The following SLC14A2 variants were observed in gnomAD, a reference collection of about 807,000 sequenced individuals.
SLC14A2 encodes urea transporter 2.
A neutral mutation model predicts 104.6 loss-of-function variants in SLC14A2; 91 were observed. That is an observed-to-expected ratio of 0.87 (90% CI 0.73 to 1.04). The LOEUF is 1.04. Ranked by LOEUF, SLC14A2 falls within the 50% of genes least tolerant of loss-of-function variation. The probability of loss-of-function intolerance (pLI) is 0.00; values close to 1 mark genes in which losing one functional copy is unlikely to be tolerated. For synonymous variants in SLC14A2, 476 were observed against 466.4 expected (o/e 1.02, Z -0.27); for missense variants, 1,189 against 1,156.0 (o/e 1.03, Z -0.41).
intron 1 of SLC14A2, among the ~76,000 whole-genome samples, chr18:45,409,042 G>T (rs2086186251): frequency 6.6e-6 from 1 of 152,128 alleles, no homozygotes; most frequent in African/African-American, 2.4e-5. Context: ...TTTAACTTCT[G>T]TGTGTCAAAC....
At chr18:45,223,051 A>T (rs1445309630) in intron 1 of SLC14A2, among the ~76,000 whole-genome samples, 2 of 152,230 alleles carry the variant, frequency 1.3e-5, no homozygotes, top group East Asian at 3.8e-4. Context: ...CATGGCCAAC[A>T]GAACTATATG....
intron 10 of SLC14A2, among the ~76,000 whole-genome samples, chr18:45,659,202 G>T (rs527724394): frequency 6.6e-6 from 1 of 152,248 alleles, no homozygotes; most frequent in Non-Finnish European, 1.5e-5. Context: ...AAGCAGCCAG[G>T]TGCTGTAGCA....
At chr18:45,588,040 C>CTT (rs1207411440) in intron 2 of SLC14A2, among the ~76,000 whole-genome samples, 1 of 152,096 alleles carries the variant, frequency 6.6e-6, no homozygotes, top group East Asian at 1.9e-4. Context: ...CGGATTGACC[C>CTT]TTTTTTTAAT....
At chr18:45,681,636 T>G (rs2046310359) in intron 19 of SLC14A2, among the ~76,000 whole-genome samples, 1 of 152,180 alleles carries the variant, frequency 6.6e-6, no homozygotes, top group South Asian at 2.1e-4. Flanking sequence ...TGATGACACA[T>G]CTTTGCCTCT....
intron 1 of SLC14A2, among the ~76,000 whole-genome samples, chr18:45,353,641 G>T (rs955158621): frequency 1.3e-5 from 2 of 152,128 alleles, no homozygotes; most frequent in African/African-American, 2.4e-5. Context: ...CCACCACATC[G>T]TTAAGCCTCA....
At chr18:45,450,034 A>G (rs1411504752) in intron 1 of SLC14A2, among the ~76,000 whole-genome samples, 1 of 152,194 alleles carries the variant, frequency 6.6e-6, no homozygotes, top group African/African-American at 2.4e-5. Flanking sequence ...CTATGGTCAG[A>G]CTGTCTGCTA....
At position 45,625,870 on chromosome 18, in the gene SLC14A2, A is replaced by G; in HGVS notation, c.331+7A>G. 1 of 1,452,018 alleles carries G rather than the reference A, an allele frequency of 6.9e-7. No homozygotes were observed. Among genetic ancestry groups the G allele is most frequent in the Non-Finnish European group, 9.1e-7 (1 of 1,102,982 alleles). The allele number at this position is 1,452,018 out of a possible 1,614,324, so 89.9% of individuals were successfully genotyped here. On this transcript the variant is annotated splice_region_variant and intron_variant, in intron 3 of 19. Transcript: ENST00000255226. ...TACAGGATCTGGCTGAAAGGTAGGA[A>G]AATACCCTGGGGAGAGGCAGCCAGA...
rs59843067 is a variant in SLC14A2 at position 45,648,195 on chromosome 18, CTTTTTTTTTTTTT to C, written c.1351+4051_1351+4063del. Among the ~76,000 whole-genome samples, 152 of 101,226 alleles carry C rather than the reference CTTTTTTTTTTTTT, an allele frequency of 1.5e-3. 1 individual carries two copies. Among genetic ancestry groups the C allele is most frequent in the Middle Eastern group, 7.4e-3 (1 of 136 alleles). The allele number at this position is 101,226 out of a possible 152,430, so 66.4% of individuals were successfully genotyped here. A position where few individuals can be genotyped will look rare whatever the true frequency, so the allele number is the denominator to read the frequency against. On this transcript the variant is annotated intron_variant, in intron 10 of 19. Transcript: ENST00000255226. ...GTTACCCTCTTTATTCTAGTTAATGCTTTTTTTTTTTTTTTTTTTTTTTTTTTTGAGATGGAGT... is the reference window on the plus strand; with the variant it reads ...GTTACCCTCTTTATTCTAGTTAATGCTTTTTTTTTTTTTTTGAGATGGAGT...
intron 1 of SLC14A2, among the ~76,000 whole-genome samples, chr18:45,456,368 C>A (rs2086944004): frequency 6.6e-6 from 1 of 152,222 alleles, no homozygotes; most frequent in Admixed American, 6.5e-5. Flanking sequence ...CCAGGGGATG[C>A]TGTTTGTCCT....
At chr18:45,375,732 C>T (rs1368258718) in intron 1 of SLC14A2, among the ~76,000 whole-genome samples, 1 of 152,204 alleles carries the variant, frequency 6.6e-6, no homozygotes, top group Non-Finnish European at 1.5e-5. Flanking sequence ...TACTACTGAA[C>T]CACCAGCATT....
intron 1 of SLC14A2, among the ~76,000 whole-genome samples, chr18:45,257,478 G>A (rs2144090595): frequency 6.6e-6 from 1 of 152,240 alleles, no homozygotes; most frequent in South Asian, 2.1e-4. Flanking sequence ...AAAATGGCAG[G>A]TCAGCTATTG....
rs189525804 is a variant in SLC14A2 at position 45,495,123 on chromosome 18, T to C, written c.-35+11801T>C. Among the ~76,000 whole-genome samples the C allele has an allele frequency of 4.5e-4, 69 of 152,164 alleles. 1 individual carries two copies. Among genetic ancestry groups the C allele is most frequent in the Admixed American group, 2.2e-3 (34 of 15,268 alleles). On this transcript the variant is annotated intron_variant, in intron 2 of 20. Coordinates refer to the SLC14A2 transcript ENST00000586448. Reference sequence around the variant, plus strand: ...ACGCTGCATCCTGTCTGACTCTCTCTCTCGTCCCTACCTCTCGGTCAATAC... The same window carrying C: ...ACGCTGCATCCTGTCTGACTCTCTCCCTCGTCCCTACCTCTCGGTCAATAC...
chr18:45,458,259 T>C (rs1041866635), intron 1 of SLC14A2, among the ~76,000 whole-genome samples: 1 of 152,164 alleles, frequency 6.6e-6, no homozygotes, highest in African/African-American at 2.4e-5. Context: ...GGCATTAATA[T>C]AAAAGCATCT....
At chr18:45,230,852 C>T (rs556995365) in intron 1 of SLC14A2, among the ~76,000 whole-genome samples, 47 of 152,210 alleles carry the variant, frequency 3.1e-4, no homozygotes, top group Non-Finnish European at 4.6e-4. Flanking sequence ...TCTTCTGGAA[C>T]GTAGTTTCTT....
intron 2 of SLC14A2, among the ~76,000 whole-genome samples, chr18:45,513,579 T>A (rs1338080586): frequency 1.3e-5 from 2 of 152,078 alleles, no homozygotes; most frequent in Non-Finnish European, 2.9e-5. Flanking sequence ...TACATAGAAG[T>A]TCGAATGTAG....
the SLC14A2 span, among the ~76,000 whole-genome samples, chr18:45,199,162 A>AC: frequency 0.12 from 18,954 of 152,146 alleles, 1,453 homozygotes; most frequent in Middle Eastern, 0.22. Context: ...TAAGCTGCCA[A>AC]CCAGATTGAT....
chr18:45,625,979 C>A, intron 3 of SLC14A2, 116 bp downstream of exon 3: 1 of 728,674 alleles, frequency 1.4e-6, no homozygotes, highest in Non-Finnish European at 2.0e-6. Context: ...CTGGGTGGAT[C>A]TGCCCAGGAC....
intron 1 of SLC14A2, among the ~76,000 whole-genome samples, chr18:45,242,646 C>A (rs951517922): frequency 6.6e-6 from 1 of 152,104 alleles, no homozygotes; most frequent in African/African-American, 2.4e-5. Flanking sequence ...TACATACATG[C>A]GTCTGAGCCA....
At chr18:45,614,566 C>G (rs1031133016), upstream of SLC14A2, among the ~76,000 whole-genome samples, 1 of 152,220 alleles carries the variant, frequency 6.6e-6, no homozygotes, top group African/African-American at 2.4e-5. Flanking sequence ...AGAAGCAGAG[C>G]TGCCTGAGTC....
Sources: allele counts gnomAD v4.1 joint callset (sites outside exome capture counted in the v4.1 genomes callset), GRCh38; gene constraint gnomAD v4.1.1; transcripts MANE v1.5; gene names NCBI Gene and HGNC (gene_info 2026-07-23, HGNC 2026-07-21).